Variants in NIM1K observed in about 807,000 individuals in gnomAD.
The protein encoded by NIM1K is NIM1 serine/threonine protein kinase, also known as serine/threonine-protein kinase NIM1.
In NIM1K, 35 loss-of-function variants were observed where a neutral mutation model predicts 37.1. The ratio of observed to expected loss-of-function variants is 0.94; its 90% CI spans 0.72 to 1.25. NIM1K has a LOEUF of 1.25. Among genes scored for constraint, NIM1K ranks in the 50% most tolerant of loss-of-function variants. The probability of loss-of-function intolerance (pLI) is 0.00; values close to 1 mark genes in which losing one functional copy is unlikely to be tolerated. For synonymous variants in NIM1K, 234 were observed against 206.6 expected (o/e 1.13, Z -1.14); for missense variants, 564 against 548.0 (o/e 1.03, Z -0.29).
At chr5:43,216,026 T>C (rs1158614122) in intron 1 of NIM1K, among the ~76,000 whole-genome samples, 4 of 152,318 alleles carry the variant, frequency 2.6e-5, no homozygotes, top group South Asian at 4.1e-4. Context: ...TTCTGTTTCC[T>C]ATCATGATGA....
intron 1 of NIM1K, chr5:43,194,775 GT>G (rs1198343704): frequency 1.3e-5 from 2 of 151,820 alleles, no homozygotes; most frequent in Admixed American, 6.6e-5. Flanking sequence ...TTTTCTTTTC[GT>G]TTTTAGAGAC....
Position 43,218,818 on chromosome 5 carries a change from G to T in NIM1K, c.-694-26264G>T, listed in dbSNP as rs574451962. Among the ~76,000 whole-genome samples, 45 of 151,156 alleles carry T rather than the reference G, an allele frequency of 3.0e-4. 1 individual carries two copies. The highest frequency in any genetic ancestry group is 1.5e-3 in the Admixed American group (22 of 15,144). On this transcript the variant is annotated intron_variant, in intron 1 of 3. Transcript: ENST00000326035. The stretch of plus-strand genomic sequence containing the variant: ...GCAGCCTCAACTTCTCAACTCAAGA[G>T]ATCCTGCCACCTCAGTGCCCCCACT...
chr5:43,258,779 AT>A (rs1554016293), intron 2 of NIM1K, among the ~76,000 whole-genome samples: 5 of 151,724 alleles, frequency 3.3e-5, no homozygotes, highest in South Asian at 2.1e-4. Context: ...TTACTTATAA[AT>A]TTTTTTTCAA....
At chr5:43,218,290 C>T (rs4866731) in intron 1 of NIM1K, among the ~76,000 whole-genome samples, 148,334 of 151,794 alleles carry the variant, frequency 0.98, 72,566 homozygotes, top group Non-Finnish European at 1. Flanking sequence ...GGATTACAGG[C>T]GTGAGCCACC....
intron 1 of NIM1K, among the ~76,000 whole-genome samples, chr5:43,209,374 G>C (rs1023714097): frequency 6.6e-6 from 1 of 152,220 alleles, no homozygotes; most frequent in Non-Finnish European, 1.5e-5. Flanking sequence ...TTTCCAGCTA[G>C]AGAGGTGCTC....
chr5:43,269,320 G>GA (rs1554016992), intron 2 of NIM1K, among the ~76,000 whole-genome samples: 1 of 124,544 alleles, frequency 8.0e-6, no homozygotes, highest in African/African-American at 3.1e-5. Context: ...AAAAAAAAAA[G>GA]AAAAAAAAAA....
At chr5:43,263,101 G>T (rs1412845955) in intron 2 of NIM1K, among the ~76,000 whole-genome samples, 3 of 152,132 alleles carry the variant, frequency 2.0e-5, no homozygotes, top group African/African-American at 7.2e-5. Context: ...CCAGGTTTTG[G>T]TATTAGGATG....
At chr5:43,271,996 T>C (rs1449458335) in intron 2 of NIM1K, among the ~76,000 whole-genome samples, 1 of 152,244 alleles carries the variant, frequency 6.6e-6, no homozygotes, top group Admixed American at 6.5e-5. Flanking sequence ...GTTGTATCAA[T>C]AGTTGGTTCA....
At chr5:43,275,454 C>G (rs774954801) in intron 2 of NIM1K, among the ~76,000 whole-genome samples, 34 of 152,174 alleles carry the variant, frequency 2.2e-4, no homozygotes, top group Middle Eastern at 3.2e-3. Flanking sequence ...CAGGGTGCAA[C>G]TATTTTTTAG....
intron 2 of NIM1K, among the ~76,000 whole-genome samples, chr5:43,276,347 A>G (rs1265249437): frequency 6.6e-6 from 1 of 152,250 alleles, no homozygotes; most frequent in African/African-American, 2.4e-5. Context: ...AGCAGGAGCA[A>G]GAGTTGGGGG....
intron 1 of NIM1K, among the ~76,000 whole-genome samples, chr5:43,234,674 G>A (rs932730709): frequency 6.6e-6 from 1 of 152,088 alleles, no homozygotes; most frequent in Non-Finnish European, 1.5e-5. Context: ...TTGCTCTGTT[G>A]CCCAGGTTGG....
intron 1 of NIM1K, among the ~76,000 whole-genome samples, chr5:43,217,520 G>T (rs1308246263): frequency 1.3e-5 from 2 of 149,728 alleles, no homozygotes; most frequent in Admixed American, 1.3e-4. Flanking sequence ...AGCATATTAT[G>T]GTTCCAGTTT....
chr5:43,235,380 G>A (rs1752606335), intron 1 of NIM1K, among the ~76,000 whole-genome samples: 1 of 152,172 alleles, frequency 6.6e-6, no homozygotes, highest in African/African-American at 2.4e-5. Context: ...GAGGGTTTGA[G>A]TCTCTTAAGC....
intron 2 of NIM1K, among the ~76,000 whole-genome samples, chr5:43,263,550 C>CA (rs565104799): frequency 0.024 from 3,510 of 144,640 alleles, 132 homozygotes; most frequent in African/African-American, 0.08. Context: ...TTGATCTTTT[C>CA]AAAAAAAAAA....
chr5:43,277,076 C>G lies in NIM1K; in HGVS notation c.312C>G (p.Ile104Met). The change falls in exon 3 of 4, where the codon ATC becomes ATG. Residue 104 changes from isoleucine to methionine, a missense_variant. Coordinates refer to ENST00000326035, the MANE Select transcript of NIM1K (RefSeq NM_153361.4). ...TTGCAGAAAAGGTGGCCATTAAGAT[C>G]CTGGACAAGACCAAGTTAGACCAGA... The part of the protein sequence containing the change: ...SLTKEKVAIK[I>M]LDKTKLDQKT... 1.2e-6 allele frequency: 2 copies of G among 1,613,888 alleles called. No homozygotes were observed. The highest frequency in any genetic ancestry group is 8.5e-7 in the Non-Finnish European group (1 of 1,179,946).
At chr5:43,263,395 A>T (rs1027583321) in intron 2 of NIM1K, among the ~76,000 whole-genome samples, 1 of 151,936 alleles carries the variant, frequency 6.6e-6, no homozygotes, top group African/African-American at 2.4e-5. Context: ...GTTTATTTGC[A>T]GAGTGGTATT....
chr5:43,277,385 G>T (rs747420179), intron 3 of NIM1K, 60 bp downstream of exon 3: 43 of 1,549,858 alleles, frequency 2.8e-5, no homozygotes, highest in Admixed American at 5.5e-5. Context: ...GGAGCACAGG[G>T]CTTTAGGTTA....
At chr5:43,240,561 T>C (rs1002091218) in intron 1 of NIM1K, among the ~76,000 whole-genome samples, 2 of 140,596 alleles carry the variant, frequency 1.4e-5, no homozygotes, top group Non-Finnish European at 3.1e-5. Context: ...TTTTTTTTTT[T>C]GAGATGCATT....
intron 2 of NIM1K, among the ~76,000 whole-genome samples, chr5:43,272,125 A>G (rs930844770): frequency 6.6e-6 from 1 of 152,174 alleles, no homozygotes; most frequent in Non-Finnish European, 1.5e-5. Flanking sequence ...GCAACTAATG[A>G]TGTTGAATAT....
Sources: gnomAD v4.1 joint callset for allele counts (sites outside exome capture counted in the v4.1 genomes callset) on GRCh38, gnomAD v4.1.1 for gene constraint, MANE v1.5 for transcripts, NCBI Gene and HGNC (gene_info 2026-07-23, HGNC 2026-07-21) for gene names.